FBXL22: variants seen among roughly 807,000 people sequenced by gnomAD.
The protein encoded by FBXL22 is F-box and leucine rich repeat protein 22.
Under a neutral mutation model 11.7 loss-of-function variants are expected in FBXL22, and 13 were observed. That is an observed-to-expected ratio of 1.11 (90% confidence interval 0.73 to 1.77). FBXL22 has a LOEUF of 1.77. Among genes scored for constraint, FBXL22 ranks in the 40% most tolerant of loss-of-function variants. The pLI, the probability that FBXL22 is intolerant of heterozygous loss-of-function variation, is 0.00. For missense variants in FBXL22, 406 were observed against 320.4 expected (o/e 1.27, Z -2.04); for synonymous variants, 160 against 144.1 (o/e 1.11, Z -0.79).
the FBXL22 span, among the ~76,000 whole-genome samples, chr15:63,608,451 T>C: frequency 6.6e-6 from 1 of 152,204 alleles, no homozygotes; most frequent in African/African-American, 2.4e-5. Flanking sequence ...CTCTGATACG[T>C]TATTTCCAAG....
rs1285355410 is a variant in FBXL22 at position 63,597,643 on chromosome 15, A to G, written c.251A>G (p.Gln84Arg). ...LSICWHSSRV[Q>R]VCSIEDWLKS... ...ATCTGCTGGCACTCCAGCCGCGTGC[A>G]GGTGTGCAGCATTGAGGACTGGCTC... is the stretch of plus-strand genomic sequence containing the variant. The change falls in exon 1 of 2, where the codon CAG (glutamine) becomes CGG (arginine). Residue 84 changes from glutamine (Q) to arginine (R), a missense_variant. Coordinates refer to ENST00000638704, the MANE Select transcript of FBXL22 (RefSeq NM_001367807.1). The surrounding 1 kb of genome is among the most constrained non-coding windows in gnomAD (Gnocchi z 4.3). The G allele has an allele frequency of 2.5e-6, 4 of 1,613,208 alleles. No homozygotes were observed. The highest frequency in any genetic ancestry group is 1.3e-5 in the African/African-American group (1 of 74,932).
In FBXL22 at chr15:63,597,768, C is replaced by T. The variant is rs768812575; in HGVS notation, c.353+23C>T. On this transcript the variant is annotated intron_variant, in intron 1 of 1. Coordinates refer to ENST00000638704, the MANE Select transcript of FBXL22 (RefSeq NM_001367807.1). The surrounding 1 kb of genome is among the most constrained non-coding windows in gnomAD (Gnocchi z 4.3). The stretch of plus-strand genomic sequence containing the variant: ...CAGGTAGGCCACCTTGCCTCCTGAG[C>T]AGTGCTGGCCCCGCTAGCTCTGGCT... 1 of 1,541,888 alleles carries T rather than the reference C, an allele frequency of 6.5e-7. No homozygotes were observed. The highest frequency in any genetic ancestry group is 8.8e-7 in the Non-Finnish European group (1 of 1,140,928).
At chr15:63,604,867 C>T (rs1428271581), downstream of FBXL22, among the ~76,000 whole-genome samples, 1 of 152,108 alleles carries the variant, frequency 6.6e-6, no homozygotes, top group Non-Finnish European at 1.5e-5. Flanking sequence ...CCGGCCTGAT[C>T]AACATGGTGA....
downstream of FBXL22, among the ~76,000 whole-genome samples, chr15:63,602,882 G>A (rs1031534257): frequency 6.6e-6 from 1 of 152,124 alleles, no homozygotes; most frequent in Non-Finnish European, 1.5e-5. Flanking sequence ...CTGAGTAGCA[G>A]GTATCTGAGA....
chr15:63,598,948 C>A (rs889182403), intron 1 of FBXL22, among the ~76,000 whole-genome samples: 1 of 152,202 alleles, frequency 6.6e-6, no homozygotes, highest in African/African-American at 2.4e-5. Context: ...TGCCCCAAAC[C>A]TGCAAGGTGT....
chr15:63,598,207 C>T (rs915768144), intron 1 of FBXL22, among the ~76,000 whole-genome samples: 1 of 152,148 alleles, frequency 6.6e-6, no homozygotes, highest in Admixed American at 6.5e-5. Context: ...GTCAGCTGAG[C>T]CAAACCAGAC....
chr15:63,597,672 A>G lies in FBXL22; in HGVS notation c.280A>G (p.Ser94Gly), dbSNP rs1341220365. ...QVCSIEDWLKSAFQRSICSRH... is the reference protein window; with the variant it reads ...QVCSIEDWLKGAFQRSICSRH... Reference sequence around the variant, plus strand: ...GTGCAGCATTGAGGACTGGCTCAAGAGTGCCTTCCAGAGAAGCATCTGCAG... The same window carrying G: ...GTGCAGCATTGAGGACTGGCTCAAGGGTGCCTTCCAGAGAAGCATCTGCAG... Residue 94 changes from serine to glycine, a missense_variant, in exon 1 of 2, where the codon AGT (serine) becomes GGT (glycine). Transcript: ENST00000638704. The surrounding 1 kb of genome is among the most constrained non-coding windows in gnomAD (Gnocchi z 4.3). 3.1e-6 allele frequency: 5 copies of G among 1,604,734 alleles called. No individual in the cohort carries two copies. In the South Asian group the frequency reaches 5.5e-5, roughly 18 times the overall value.
In FBXL22 at chr15:63,597,505, A is replaced by G. The variant is rs1207639182; in HGVS notation, c.113A>G (p.Gln38Arg). Reference protein sequence around the residue: ...SRKSLARTCSQLHDVFEDPAL... With the variant: ...SRKSLARTCSRLHDVFEDPAL... ...AAGAGCCTTGCCAGGACCTGCTCCC[A>G]GCTCCACGACGTGTTTGAGGACCCC... Residue 38 changes from glutamine to arginine, a missense_variant, in exon 1 of 2, where the codon CAG becomes CGG. Coordinates refer to ENST00000638704, the MANE Select transcript of FBXL22 (RefSeq NM_001367807.1). The surrounding 1 kb of genome is among the most constrained non-coding windows in gnomAD (Gnocchi z 4.3). 1.9e-6 allele frequency: 3 copies of G among 1,614,094 alleles called. No individual in the cohort carries two copies. Among genetic ancestry groups the G allele is most frequent in the Middle Eastern group, 3.3e-4 (2 of 6,062 alleles).
chr15:63,601,635 C>T (rs1458518626), downstream of FBXL22: 1 of 1,605,328 alleles, frequency 6.2e-7, no homozygotes, highest in Admixed American at 1.7e-5. Flanking sequence ...GTTTTGCCCG[C>T]ACGCGCGTCT....
chr15:63,598,273 C>A (rs1326320185), intron 1 of FBXL22, among the ~76,000 whole-genome samples: 1 of 152,106 alleles, frequency 6.6e-6, no homozygotes, highest in African/African-American at 2.4e-5. Context: ...GGTGGCTTAG[C>A]CTAATTTTTC....
chr15:63,603,139 C>A (rs549227889), downstream of FBXL22, among the ~76,000 whole-genome samples: 3 of 152,182 alleles, frequency 2.0e-5, no homozygotes, highest in East Asian at 5.8e-4. Flanking sequence ...GCCTGGAGAC[C>A]CAGCTGCAAA....
chr15:63,597,803 G>T lies in FBXL22; in HGVS notation c.353+58G>T, dbSNP rs528623394. ...CCCGCTAGCTCTGGCTTCCCTCTTGGGGGGCAGGGAAGAGCAAATTACGAG... is the reference window on the plus strand; with the variant it reads ...CCCGCTAGCTCTGGCTTCCCTCTTGTGGGGCAGGGAAGAGCAAATTACGAG... On this transcript the variant is annotated intron_variant, in intron 1 of 1. Coordinates refer to ENST00000638704, the MANE Select transcript of FBXL22 (RefSeq NM_001367807.1). The surrounding 1 kb of genome is among the most constrained non-coding windows in gnomAD (Gnocchi z 4.3). 9 of 1,483,916 alleles carry T rather than the reference G, an allele frequency of 6.1e-6. No individual in the cohort carries two copies. The highest frequency in any genetic ancestry group is 2.6e-5 in the South Asian group (2 of 76,790). The allele number at this position is 1,483,916 out of a possible 1,614,324, so 91.9% of individuals were successfully genotyped here.
chr15:63,604,659 C>T (rs770376168), downstream of FBXL22, among the ~76,000 whole-genome samples: 1 of 152,206 alleles, frequency 6.6e-6, no homozygotes, highest in East Asian at 1.9e-4. Context: ...ATCTACAAAA[C>T]CACTTTTGGA....
downstream of FBXL22, chr15:63,602,419 T>TA (rs373823682): frequency 2.2e-3 from 322 of 148,918 alleles, no homozygotes; most frequent in African/African-American, 5.2e-3. Flanking sequence ...CCGTCTGTAC[T>TA]AAAAAAAAAT....
intron 1 of FBXL22, chr15:63,599,413 T>C: frequency 7.3e-7 from 1 of 1,366,398 alleles, no homozygotes; most frequent in Non-Finnish European, 9.4e-7. Context: ...TCCTCCCACT[T>C]GACAAATGAG....
At position 63,600,920 on chromosome 15, in the gene FBXL22, CTGCGCGCCGCG is replaced by C. The variant is rs1056557352; in HGVS notation, c.581_591del (p.Arg194ProfsTer91). On this transcript the variant is annotated frameshift_variant, in exon 2 of 2. Coordinates refer to ENST00000638704, the MANE Select transcript of FBXL22 (RefSeq NM_001367807.1). LOFTEE classifies it high-confidence loss of function. Reference sequence around the variant, plus strand: ...CGTGAGCGCGGCCGGCCTGCGCCGCCTGCGCGCCGCGTGCCCGCGCCTGGCCCTGCGGGCAG... The same window carrying C: ...CGTGAGCGCGGCCGGCCTGCGCCGCCTGCCCGCGCCTGGCCCTGCGGGCAG... The C allele has an allele frequency of 2.8e-5, 34 of 1,213,102 alleles. No homozygotes were observed. Among genetic ancestry groups the C allele is most frequent in the South Asian group, 2.5e-4 (6 of 24,210 alleles). 75.1% of individuals were successfully genotyped at this position (1,213,102 alleles called of 1,614,324 possible).
the FBXL22 span, among the ~76,000 whole-genome samples, chr15:63,608,450 G>A: frequency 1.6e-4 from 25 of 152,274 alleles, no homozygotes; most frequent in South Asian, 4.1e-3. Context: ...TCTCTGATAC[G>A]TTATTTCCAA....
downstream of FBXL22, chr15:63,601,904 T>C (rs919224419): frequency 1.6e-6 from 1 of 625,780 alleles, no homozygotes; most frequent in Non-Finnish European, 2.6e-6. Context: ...ACCTGTTGGA[T>C]TTGCTGGACA....
downstream of FBXL22, among the ~76,000 whole-genome samples, chr15:63,606,066 T>C (rs1358301604): frequency 6.6e-6 from 1 of 152,208 alleles, no homozygotes; most frequent in Non-Finnish European, 1.5e-5. Context: ...ACCCCGGCTC[T>C]ACCACGGCAC....
Sources: allele counts gnomAD v4.1 joint callset (sites outside exome capture counted in the v4.1 genomes callset), GRCh38; gene constraint gnomAD v4.1.1; non-coding constraint Gnocchi (gnomAD v3.1); transcripts MANE v1.5; gene names NCBI Gene and HGNC (gene_info 2026-07-23, HGNC 2026-07-21).